SMOC2: variants seen among roughly 807,000 people sequenced by gnomAD.
SMOC2 encodes the protein SPARC-related modular calcium-binding protein 2.
SMOC2 carries 39 observed loss-of-function variants against 61.4 expected under a neutral mutation model. The ratio of observed to expected loss-of-function variants is 0.64; its 90% confidence interval spans 0.49 to 0.83. The LOEUF (loss-of-function observed/expected upper bound fraction) is 0.83. SMOC2 is among the 40% of genes least tolerant of loss of function. The pLI, the probability that SMOC2 is intolerant of heterozygous loss-of-function variation, is 0.00. For missense variants in SMOC2, 556 were observed against 592.9 expected, an observed-to-expected ratio of 0.94 and a Z score of 0.65; for synonymous variants, 247 against 239.9, an observed-to-expected ratio of 1.03 and a Z score of -0.27.
intron 9 of SMOC2, among the ~76,000 whole-genome samples, chr6:168,628,735 T>C (rs764659499): frequency 1.3e-5 from 2 of 152,264 alleles, no homozygotes; most frequent in Non-Finnish European, 2.9e-5. Flanking sequence ...GGGACTGTGC[T>C]GAAGGCACTA....
intron 10 of SMOC2, among the ~76,000 whole-genome samples, chr6:168,651,906 T>A (rs1423416652): frequency 6.6e-6 from 1 of 152,004 alleles, no homozygotes; most frequent in African/African-American, 2.4e-5. Context: ...TCCAGCATGG[T>A]GGCAGGCACC....
chr6:168,635,904 T>C (rs1786704186), intron 9 of SMOC2, among the ~76,000 whole-genome samples: 1 of 150,154 alleles, frequency 6.7e-6, no homozygotes. Context: ...GTTTAACAAA[T>C]AGTTTTCTTG....
chr6:168,618,530 C>T (rs903923614), intron 9 of SMOC2, among the ~76,000 whole-genome samples: 9 of 124,102 alleles, frequency 7.3e-5, no homozygotes, highest in Admixed American at 2.5e-4. Flanking sequence ...AAAGGAGAGT[C>T]GAGGAGAGGT....
At chr6:168,539,959 G>A (rs7774825) in intron 4 of SMOC2, among the ~76,000 whole-genome samples, 3,481 of 152,256 alleles carry the variant, frequency 0.023, 135 homozygotes, top group African/African-American at 0.079. Context: ...TCTGTATAAC[G>A]GGCATGATGG....
chr6:168,600,395 G>A (rs949504834), intron 8 of SMOC2, among the ~76,000 whole-genome samples: 14 of 127,052 alleles, frequency 1.1e-4, no homozygotes, highest in Admixed American at 5.3e-4. Flanking sequence ...TGACAAGAGC[G>A]AAACTCTGCC....
chr6:168,620,769 TATCCAGGTTGG>T (rs1786222134), intron 9 of SMOC2, among the ~76,000 whole-genome samples: 1 of 152,164 alleles, frequency 6.6e-6, no homozygotes, highest in East Asian at 1.9e-4. Context: ...AAAATCCAAT[TATCCAGGTTGG>T]ATATTGGCCA....
intron 7 of SMOC2, among the ~76,000 whole-genome samples, chr6:168,579,036 G>A (rs1267107869): frequency 6.6e-6 from 1 of 152,204 alleles, no homozygotes; most frequent in Non-Finnish European, 1.5e-5. Context: ...TCACAGTAAT[G>A]CAGCACATAG....
intron 10 of SMOC2, 85 bp downstream of exon 10, chr6:168,650,868 C>A: frequency 8.1e-7 from 1 of 1,237,496 alleles, no homozygotes. Flanking sequence ...TACATATTGG[C>A]AACCTTCTCA....
intron 9 of SMOC2, among the ~76,000 whole-genome samples, chr6:168,637,990 C>A (rs548969326): frequency 1.2e-4 from 18 of 151,062 alleles, no homozygotes; most frequent in Admixed American, 2.6e-4. Context: ...CCCTGCCCCA[C>A]CCTGCAGCGC....
intron 1 of SMOC2, among the ~76,000 whole-genome samples, chr6:168,488,063 T>C (rs1205398057): frequency 6.6e-6 from 1 of 152,226 alleles, no homozygotes; most frequent in East Asian, 1.9e-4. Flanking sequence ...GCAGTCGTTC[T>C]AGGGGCTGCC....
intron 1 of SMOC2, among the ~76,000 whole-genome samples, chr6:168,473,688 A>T (rs1782017802): frequency 6.6e-6 from 1 of 152,098 alleles, no homozygotes; most frequent in Non-Finnish European, 1.5e-5. Context: ...TGTCATCCCT[A>T]CTTGGGAGAG....
chr6:168,487,807 A>G (rs1319245952), intron 1 of SMOC2, among the ~76,000 whole-genome samples: 1 of 152,162 alleles, frequency 6.6e-6, no homozygotes, highest in Non-Finnish European at 1.5e-5. Flanking sequence ...CTAGCCAAAA[A>G]TTACCTTTTG....
intron 1 of SMOC2, among the ~76,000 whole-genome samples, chr6:168,495,176 A>G (rs1245659947): frequency 6.6e-6 from 1 of 152,222 alleles, no homozygotes; most frequent in East Asian, 1.9e-4. Context: ...GGGCTCCTGC[A>G]GACCAGGCTT....
At chr6:168,587,032 T>C (rs1383498514) in intron 7 of SMOC2, among the ~76,000 whole-genome samples, 1 of 152,230 alleles carries the variant, frequency 6.6e-6, no homozygotes, top group Non-Finnish European at 1.5e-5. Context: ...TATTTAATTA[T>C]TGAAGTACTT....
intron 7 of SMOC2, among the ~76,000 whole-genome samples, chr6:168,590,453 G>A (rs112875352): frequency 6.6e-6 from 1 of 151,038 alleles, no homozygotes; most frequent in African/African-American, 2.4e-5. Flanking sequence ...CATGAGTTTA[G>A]GGGGCAGCCG....
chr6:168,619,149 T>C (rs928231091), intron 9 of SMOC2, among the ~76,000 whole-genome samples: 3 of 152,140 alleles, frequency 2.0e-5, no homozygotes, highest in African/African-American at 7.2e-5. Flanking sequence ...TGGCTTGTTT[T>C]TGTTTATGGT....
intron 1 of SMOC2, among the ~76,000 whole-genome samples, chr6:168,481,904 G>C (rs1782215140): frequency 6.6e-6 from 1 of 151,842 alleles, no homozygotes; most frequent in Admixed American, 6.6e-5. Context: ...AAAACTAGTT[G>C]TAAGGGAAAA....
intron 7 of SMOC2, among the ~76,000 whole-genome samples, chr6:168,580,043 G>A (rs182562850): frequency 8.0e-5 from 12 of 149,690 alleles, no homozygotes; most frequent in Non-Finnish European, 1.6e-4. Context: ...ATTCCCATCA[G>A]GGGCTCTGAG....
rs143000554 is a variant in SMOC2 at position 168,571,138 on chromosome 6, T to C, written c.637+21935T>C. ...GACCGCTGTGTGTATTACCTGAGAA[T>C]TGGTTCTGCTGAGGTGCAAGATTGA... On this transcript the variant is annotated intron_variant, in intron 7 of 12. Coordinates refer to ENST00000356284, the MANE Select transcript of SMOC2 (RefSeq NM_001166412.2). 4.0e-3 allele frequency among the ~76,000 whole-genome samples: 605 copies of C among 152,326 alleles called. 4 individuals carry two copies. Among genetic ancestry groups the C allele is most frequent in the African/African-American group, 0.014 (567 of 41,564 alleles).
Sources: gnomAD v4.1 joint callset for allele counts (sites outside exome capture counted in the v4.1 genomes callset) on GRCh38, gnomAD v4.1.1 for gene constraint, MANE v1.5 for transcripts, NCBI Gene and HGNC (gene_info 2026-07-23, HGNC 2026-07-21) for gene names.